CTNNA2: variants seen among roughly 807,000 people sequenced by gnomAD.
CTNNA2 encodes the protein catenin alpha 2, also known as catenin alpha-2.
In CTNNA2, 42 loss-of-function variants were observed where a neutral mutation model predicts 101.0. The ratio of observed to expected loss-of-function variants is 0.42; its 90% CI spans 0.32 to 0.54. CTNNA2 has a LOEUF of 0.54. Among genes scored for constraint, CTNNA2 ranks in the 20% least tolerant of loss-of-function variants. CTNNA2 has a pLI of 0.14. For missense variants in CTNNA2, 871 were observed against 1,223.1 expected (o/e 0.71, Z 4.29); for synonymous variants, 450 against 456.4 (o/e 0.99, Z 0.18).
At chr2:79,315,899 C>T (rs1385075221) in intron 3 of CTNNA2, among the ~76,000 whole-genome samples, 1 of 152,030 alleles carries the variant, frequency 6.6e-6, no homozygotes. Context: ...TCTAATATCT[C>T]TATATTTTAC....
At chr2:80,594,366 A>G (rs1696766730) in intron 15 of CTNNA2, among the ~76,000 whole-genome samples, 1 of 152,012 alleles carries the variant, frequency 6.6e-6, no homozygotes, top group Non-Finnish European at 1.5e-5. Flanking sequence ...GTTGAGTTGT[A>G]GGAGTCCTTG....
Position 79,909,824 on chromosome 2 carries a change from G to A in CTNNA2, c.1056+27G>A, listed in dbSNP as rs757693324. 2.5e-6 allele frequency: 4 copies of A among 1,571,834 alleles called. No homozygotes were observed. In the Admixed American group the frequency reaches 7.2e-5, roughly 28 times the overall value. On this transcript the variant is annotated intron_variant, in intron 7 of 18. Transcript: ENST00000402739. The stretch of plus-strand genomic sequence containing the variant: ...TAAGTCTTGGGATCTCCATTCTCAT[G>A]TCTTGGTGGATTCTGTTCTGCAATC...
chr2:80,551,591 A>G (rs1254510474), intron 11 of CTNNA2, among the ~76,000 whole-genome samples: 2 of 152,224 alleles, frequency 1.3e-5, no homozygotes, highest in Non-Finnish European at 2.9e-5. Flanking sequence ...TTTCTTAAAC[A>G]TCATGAACCA....
At chr2:79,737,853 A>T (rs1671009858) in intron 2 of CTNNA2, among the ~76,000 whole-genome samples, 1 of 152,202 alleles carries the variant, frequency 6.6e-6, no homozygotes, top group South Asian at 2.1e-4. Flanking sequence ...TTTCAAAATC[A>T]GTGTAATGGA....
chr2:79,729,200 A>G (rs919571759), intron 2 of CTNNA2, among the ~76,000 whole-genome samples: 3 of 152,120 alleles, frequency 2.0e-5, no homozygotes, highest in Non-Finnish European at 2.9e-5. Context: ...CTCAAGTTCA[A>G]TTATTCTGAC....
chr2:79,966,262 G>T (rs1017542289), intron 7 of CTNNA2, among the ~76,000 whole-genome samples: 2 of 151,978 alleles, frequency 1.3e-5, no homozygotes, highest in Non-Finnish European at 2.9e-5. Context: ...GGGGGACAGG[G>T]TCTTGCTTTA....
chr2:80,563,009 AAACAGCACTTCTCTAGTGCC>A (rs1281329729), intron 12 of CTNNA2, among the ~76,000 whole-genome samples: 2 of 137,488 alleles, frequency 1.5e-5, no homozygotes, highest in Non-Finnish European at 3.1e-5. Flanking sequence ...ACAGCAGAAC[AAACAGCACTTCTCTAGTGCC>A]TGTTTGTCAA....
chr2:79,556,209 C>A (rs2104093386), intron 1 of CTNNA2, among the ~76,000 whole-genome samples: 1 of 151,830 alleles, frequency 6.6e-6, no homozygotes, highest in East Asian at 1.9e-4. Flanking sequence ...TATATTGAAC[C>A]CTCTTTATTC....
chr2:80,580,061 C>G (rs139774454), intron 13 of CTNNA2, among the ~76,000 whole-genome samples: 5 of 152,160 alleles, frequency 3.3e-5, no homozygotes, highest in African/African-American at 1.2e-4. Context: ...TACTACCGTT[C>G]GAATTTAACC....
chr2:80,182,793 G>A (rs1705865923), intron 7 of CTNNA2, among the ~76,000 whole-genome samples: 1 of 152,150 alleles, frequency 6.6e-6, no homozygotes, highest in South Asian at 2.1e-4. Flanking sequence ...GGCAGAAGCA[G>A]TAGTGAGTGA....
Position 79,488,918 on chromosome 2 carries a change from T to A in CTNNA2, c.-134-16136T>A, listed in dbSNP as rs146539344. ...TCACTACCATTCTATTGAAATTGCA[T>A]GTCCAAAGTTGTCCACAATATTTTA... On this transcript the variant is annotated intron_variant, in intron 4 of 21. Transcript: ENST00000466387. 3.3e-3 allele frequency among the ~76,000 whole-genome samples: 506 copies of A among 152,312 alleles called. 6 individuals are homozygous for A. The highest frequency in any genetic ancestry group is 0.011 in the African/African-American group (453 of 41,576).
At chr2:79,453,294 A>G (rs1169057464) in intron 4 of CTNNA2, among the ~76,000 whole-genome samples, 1 of 152,198 alleles carries the variant, frequency 6.6e-6, no homozygotes, top group Non-Finnish European at 1.5e-5. Context: ...TAAGAGACTG[A>G]AAAGGAATAG....
chr2:79,893,883 G>A (rs1212779473), intron 6 of CTNNA2, among the ~76,000 whole-genome samples: 1 of 152,054 alleles, frequency 6.6e-6, no homozygotes, highest in Admixed American at 6.6e-5. Flanking sequence ...CTGAGCTCTA[G>A]ACATCTGTTT....
chr2:79,736,791 G>A (rs1331846795), intron 2 of CTNNA2, among the ~76,000 whole-genome samples: 3 of 152,128 alleles, frequency 2.0e-5, no homozygotes, highest in Non-Finnish European at 2.9e-5. Flanking sequence ...CTTAGTACTC[G>A]TATCTGCAAA....
intron 9 of CTNNA2, among the ~76,000 whole-genome samples, chr2:80,504,024 T>C (rs1688074487): frequency 6.6e-6 from 1 of 152,196 alleles, no homozygotes; most frequent in Non-Finnish European, 1.5e-5. Context: ...TTTGGTGGCC[T>C]AAAACAACAT....
chr2:79,221,684 A>C (rs1674347262), intron 2 of CTNNA2, among the ~76,000 whole-genome samples: 1 of 152,164 alleles, frequency 6.6e-6, no homozygotes, highest in Admixed American at 6.5e-5. Flanking sequence ...AATAAGTCTA[A>C]GAATAAATTT....
At chr2:80,472,870 A>C (rs1685418643) in intron 9 of CTNNA2, among the ~76,000 whole-genome samples, 1 of 152,108 alleles carries the variant, frequency 6.6e-6, no homozygotes, top group South Asian at 2.1e-4. Flanking sequence ...ACAGGCCTCC[A>C]GTTATTGTCA....
chr2:80,277,192 G>A (rs1673975463), intron 7 of CTNNA2, among the ~76,000 whole-genome samples: 2 of 152,048 alleles, frequency 1.3e-5, no homozygotes, highest in African/African-American at 2.4e-5. Context: ...AGGGGTGGGG[G>A]TGAAAAGCTT....
intron 3 of CTNNA2, among the ~76,000 whole-genome samples, chr2:79,344,969 A>C (rs1677228733): frequency 6.7e-6 from 1 of 150,104 alleles, no homozygotes; most frequent in African/African-American, 2.4e-5. Context: ...GTATACACTA[A>C]GTGTTAAATC....
Sources: gnomAD v4.1 joint callset for allele counts (sites outside exome capture counted in the v4.1 genomes callset) on GRCh38, gnomAD v4.1.1 for gene constraint, MANE v1.5 for transcripts, NCBI Gene and HGNC (gene_info 2026-07-23, HGNC 2026-07-21) for gene names.